Variants in NOVA1 observed in about 807,000 individuals in gnomAD.
The protein encoded by NOVA1 is NOVA alternative splicing regulator 1, also known as RNA-binding protein Nova-1.
NOVA1 carries 7 observed loss-of-function variants against 38.0 expected under a neutral mutation model. The ratio of observed to expected loss-of-function variants is 0.18; its 90% confidence interval spans 0.10 to 0.35. The LOEUF is 0.35. NOVA1 is among the 10% of genes least tolerant of loss of function. The pLI, the probability that NOVA1 is intolerant of heterozygous loss-of-function variation, is 1.00. For synonymous variants in NOVA1, 270 were observed against 232.5 expected (o/e 1.16, Z -1.47); for missense variants, 460 against 616.0 (o/e 0.75, Z 2.68).
intron 4 of NOVA1, among the ~76,000 whole-genome samples, chr14:26,465,201 G>A (rs1884015099): frequency 6.6e-6 from 1 of 152,090 alleles, no homozygotes; most frequent in Admixed American, 6.6e-5. Flanking sequence ...TTGAGATGGA[G>A]TCTTGCTCTG....
At chr14:26,574,277 CCCCGCCCCCT>C (rs1892688882) in intron 2 of NOVA1, among the ~76,000 whole-genome samples, 1 of 99,012 alleles carries the variant, frequency 1.0e-5, no homozygotes, top group East Asian at 4.1e-4. Context: ...ACCCCCCCCC[CCCCGCCCCCT>C]CGGCCTCCCA....
At chr14:26,534,096 T>C (rs774769821) in intron 2 of NOVA1, among the ~76,000 whole-genome samples, 1 of 152,138 alleles carries the variant, frequency 6.6e-6, no homozygotes, top group Non-Finnish European at 1.5e-5. Context: ...ATAACTCTGA[T>C]AATCAAAATG....
intron 2 of NOVA1, among the ~76,000 whole-genome samples, chr14:26,535,674 T>C (rs900186625): frequency 2.0e-5 from 3 of 152,086 alleles, no homozygotes; most frequent in South Asian, 2.1e-4. Flanking sequence ...ATGTGGTACA[T>C]AGGCCGGGCG....
intron 2 of NOVA1, chr14:26,593,139 G>T (rs928145337): frequency 5.3e-5 from 8 of 151,682 alleles, no homozygotes; most frequent in Admixed American, 2.0e-4. Context: ...GCTTCCAAAT[G>T]ATTTCATTAA....
At chr14:26,555,161 T>C (rs1024943494) in intron 2 of NOVA1, among the ~76,000 whole-genome samples, 6 of 152,092 alleles carry the variant, frequency 3.9e-5, no homozygotes, top group East Asian at 1.9e-4. Flanking sequence ...TAAAATACAA[T>C]TGTAGAGAAT....
intron 2 of NOVA1, among the ~76,000 whole-genome samples, chr14:26,494,312 T>C (rs1157684380): frequency 1.3e-5 from 2 of 152,190 alleles, no homozygotes; most frequent in African/African-American, 4.8e-5. Flanking sequence ...TGTCTTTCTC[T>C]TCTCTCTCAA....
intron 3 of NOVA1, among the ~76,000 whole-genome samples, chr14:26,472,665 A>G (rs1884680255): frequency 6.6e-6 from 1 of 152,000 alleles, no homozygotes. Flanking sequence ...TATCCTGACC[A>G]TATTCATGAA....
At chr14:26,587,889 C>T (rs1997950) in intron 2 of NOVA1, among the ~76,000 whole-genome samples, 144,113 of 151,144 alleles carry the variant, frequency 0.95, 69,062 homozygotes, top group East Asian at 1. Context: ...GATCTTAAAA[C>T]ACAGTCTCAG....
intron 2 of NOVA1, among the ~76,000 whole-genome samples, chr14:26,539,419 T>A (rs1247294390): frequency 1.3e-5 from 2 of 152,214 alleles, no homozygotes; most frequent in African/African-American, 4.8e-5. Flanking sequence ...CTTCAGATTT[T>A]GTTTCTAAAT....
chr14:26,503,056 T>C (rs1008797884), intron 2 of NOVA1, among the ~76,000 whole-genome samples: 14 of 152,064 alleles, frequency 9.2e-5, no homozygotes, highest in Admixed American at 3.3e-4. Context: ...CTTTTCCACA[T>C]AGGTTCTCCA....
At chr14:26,545,650 T>C (rs984023473) in intron 2 of NOVA1, among the ~76,000 whole-genome samples, 1 of 152,160 alleles carries the variant, frequency 6.6e-6, no homozygotes, top group African/African-American at 2.4e-5. Context: ...ACATATGTTT[T>C]ATTGTTTTTT....
intron 2 of NOVA1, among the ~76,000 whole-genome samples, chr14:26,544,016 G>A (rs1240551531): frequency 6.6e-6 from 1 of 151,876 alleles, no homozygotes; most frequent in African/African-American, 2.4e-5. Context: ...CTCAAGGAGT[G>A]GTAACTAATT....
intron 3 of NOVA1, among the ~76,000 whole-genome samples, chr14:26,474,959 GTTGA>G (rs1357914844): frequency 6.6e-6 from 1 of 151,920 alleles, no homozygotes; most frequent in Non-Finnish European, 1.5e-5. Flanking sequence ...TTTCCTTTCA[GTTGA>G]TTGTTTTTTA....
chr14:26,572,767 T>C (rs964505450), intron 2 of NOVA1, among the ~76,000 whole-genome samples: 8 of 150,308 alleles, frequency 5.3e-5, no homozygotes, highest in Non-Finnish European at 1.0e-4. Flanking sequence ...TGTGTGTGTA[T>C]GTGTGTCTGT....
At chr14:26,528,572 T>C (rs1889463989) in intron 2 of NOVA1, among the ~76,000 whole-genome samples, 1 of 152,026 alleles carries the variant, frequency 6.6e-6, no homozygotes, top group African/African-American at 2.4e-5. Flanking sequence ...AAAGAATACC[T>C]TAGACACCGG....
At chr14:26,558,545 C>A (rs2138672760) in intron 2 of NOVA1, among the ~76,000 whole-genome samples, 1 of 151,962 alleles carries the variant, frequency 6.6e-6, no homozygotes, top group African/African-American at 2.4e-5. Context: ...GGTCAGGAAG[C>A]AAAGGATTTA....
chr14:26,498,656 C>G (rs993220080), intron 2 of NOVA1, among the ~76,000 whole-genome samples: 1 of 152,018 alleles, frequency 6.6e-6, no homozygotes, highest in African/African-American at 2.4e-5. Flanking sequence ...ATCACAGAAA[C>G]AAACAAACAC....
intron 2 of NOVA1, among the ~76,000 whole-genome samples, chr14:26,570,631 T>C (rs905008554): frequency 1.3e-5 from 2 of 152,146 alleles, no homozygotes; most frequent in African/African-American, 4.8e-5. Context: ...CATGTATATA[T>C]GCATATATTT....
chr14:26,524,918 T>C (rs1401683839), intron 2 of NOVA1, among the ~76,000 whole-genome samples: 1 of 152,200 alleles, frequency 6.6e-6, no homozygotes, highest in African/African-American at 2.4e-5. Flanking sequence ...GTTTTGTAAT[T>C]ATCTCCTTAT....
Sources: gnomAD v4.1 joint callset for allele counts (sites outside exome capture counted in the v4.1 genomes callset) on GRCh38, gnomAD v4.1.1 for gene constraint, MANE v1.5 for transcripts, NCBI Gene and HGNC (gene_info 2026-07-23, HGNC 2026-07-21) for gene names.